Variants in JAM3 observed in about 807,000 individuals in gnomAD.
The protein encoded by JAM3 is junctional adhesion molecule C.
A neutral mutation model predicts 39.4 loss-of-function variants in JAM3; 31 were observed. The ratio of observed to expected loss-of-function variants is 0.79; its 90% CI spans 0.59 to 1.06. JAM3 has a LOEUF of 1.06. Among genes scored for constraint, JAM3 ranks in the 50% least tolerant of loss-of-function variants. JAM3 has a pLI of 0.00. For missense variants in JAM3, 455 were observed against 391.4 expected (o/e 1.16, Z -1.37); for synonymous variants, 182 against 148.7 (o/e 1.22, Z -1.63).
chr11:134,146,547 G>T (rs1943075034), intron 6 of JAM3, among the ~76,000 whole-genome samples: 1 of 151,900 alleles, frequency 6.6e-6, no homozygotes, highest in Non-Finnish European at 1.5e-5. Context: ...AATCACTTGG[G>T]GAGCTTTTTT....
chr11:134,141,556 G>T (rs1942972761), intron 3 of JAM3, among the ~76,000 whole-genome samples: 3 of 152,116 alleles, frequency 2.0e-5, no homozygotes, highest in Admixed American at 2.0e-4. Flanking sequence ...GGCTCTCAGG[G>T]GAGGTGCCGT....
At chr11:134,113,719 G>A (rs1428355791) in intron 1 of JAM3, among the ~76,000 whole-genome samples, 3 of 152,206 alleles carry the variant, frequency 2.0e-5, no homozygotes, top group Non-Finnish European at 2.9e-5. Flanking sequence ...GTAATGGGAT[G>A]GCTGGGTCAA....
chr11:134,081,696 G>T (rs1239107344), intron 1 of JAM3, among the ~76,000 whole-genome samples: 3 of 152,246 alleles, frequency 2.0e-5, no homozygotes, highest in Non-Finnish European at 4.4e-5. Context: ...GGGCAGTGCA[G>T]AAGGGAAATG....
chr11:134,132,822 G>A (rs1262503082), intron 1 of JAM3, among the ~76,000 whole-genome samples: 1 of 152,168 alleles, frequency 6.6e-6, no homozygotes, highest in Non-Finnish European at 1.5e-5. Flanking sequence ...GCCCCATAGA[G>A]TTTTTAACTC....
At chr11:134,090,689 CT>C (rs1478518852) in intron 1 of JAM3, among the ~76,000 whole-genome samples, 18 of 152,108 alleles carry the variant, frequency 1.2e-4, no homozygotes, top group South Asian at 4.1e-4. Flanking sequence ...TTAGCAGAAT[CT>C]TTTCTCGGAC....
chr11:134,143,018 C>G (rs12284250), intron 3 of JAM3, among the ~76,000 whole-genome samples: 4,186 of 152,254 alleles, frequency 0.027, 86 homozygotes, highest in Non-Finnish European at 0.043. Context: ...TGGGTTGTTT[C>G]CACTTTTTGG....
chr11:134,106,827 AAAC>A (rs1432221133), intron 1 of JAM3, among the ~76,000 whole-genome samples: 2 of 152,222 alleles, frequency 1.3e-5, no homozygotes, highest in African/African-American at 4.8e-5. Flanking sequence ...AAAAGTCAGG[AAAC>A]AACAGGTGCT....
chr11:134,069,272 G>A (rs914722624), intron 1 of JAM3, 113 bp downstream of exon 1: 3 of 1,404,800 alleles, frequency 2.1e-6, no homozygotes, highest in African/African-American at 3.0e-5. Flanking sequence ...TGGCTCCGAG[G>A]GCTCCCGGGG....
chr11:134,119,298 T>C (rs1321981526), intron 1 of JAM3, among the ~76,000 whole-genome samples: 2 of 152,192 alleles, frequency 1.3e-5, no homozygotes, highest in Non-Finnish European at 2.9e-5. Context: ...CTCAAAGAAA[T>C]AGCACCTGCT....
intron 3 of JAM3, 135 bp downstream of exon 3, chr11:134,140,905 T>G (rs1405589431): frequency 5.5e-5 from 65 of 1,173,176 alleles, no homozygotes; most frequent in Non-Finnish European, 7.6e-5. Flanking sequence ...TTTTAAAGAT[T>G]TATAATTATG....
chr11:134,103,449 A>G (rs1942117231), intron 1 of JAM3, among the ~76,000 whole-genome samples: 1 of 152,222 alleles, frequency 6.6e-6, no homozygotes, highest in Non-Finnish European at 1.5e-5. Flanking sequence ...AAGAAACTGC[A>G]TCAACTAATG....
intron 1 of JAM3, among the ~76,000 whole-genome samples, chr11:134,082,865 A>G (rs1941689648): frequency 6.6e-6 from 1 of 152,210 alleles, no homozygotes; most frequent in Non-Finnish European, 1.5e-5. Flanking sequence ...GGATCCCTAT[A>G]GAGGACACAT....
chr11:134,102,729 G>A (rs1051352428), intron 1 of JAM3, among the ~76,000 whole-genome samples: 8 of 152,314 alleles, frequency 5.3e-5, no homozygotes, highest in Non-Finnish European at 1.2e-4. Flanking sequence ...ACAAGCTTTA[G>A]TAGCTGATTC....
intron 2 of JAM3, among the ~76,000 whole-genome samples, chr11:134,140,199 G>T (rs1942948911): frequency 6.6e-6 from 1 of 152,128 alleles, no homozygotes; most frequent in Non-Finnish European, 1.5e-5. Context: ...TGTTGCCCAG[G>T]CTGGAGTGTA....
At chr11:134,143,632 C>T (rs774370779) in intron 3 of JAM3, among the ~76,000 whole-genome samples, 1 of 152,126 alleles carries the variant, frequency 6.6e-6, no homozygotes, top group Non-Finnish European at 1.5e-5. Flanking sequence ...GGTATTTCTC[C>T]CATTGTGTGG....
intron 1 of JAM3, among the ~76,000 whole-genome samples, chr11:134,119,712 A>AT: frequency 6.6e-6 from 1 of 152,142 alleles, no homozygotes; most frequent in East Asian, 1.9e-4. Flanking sequence ...GCCCGCCCTC[A>AT]TTATGGAGGG....
chr11:134,142,364 ATGGG>A (rs1177914154), intron 3 of JAM3, among the ~76,000 whole-genome samples: 1 of 152,064 alleles, frequency 6.6e-6, no homozygotes, highest in Admixed American at 6.5e-5. Flanking sequence ...TCCTCCACTA[ATGGG>A]TGGGTGTATA....
At chr11:134,145,041 C>A (rs1591808473) in intron 5 of JAM3, 47 bp downstream of exon 5, 2 of 1,413,098 alleles carry the variant, frequency 1.4e-6, no homozygotes, top group Non-Finnish European at 2.0e-6. Context: ...TTTGTTGGGG[C>A]AAGAGATGCT....
At chr11:134,075,396 C>A (rs682833) in intron 1 of JAM3, among the ~76,000 whole-genome samples, 57,812 of 151,924 alleles carry the variant, frequency 0.38, 11,712 homozygotes, top group African/African-American at 0.53. Context: ...TGGGAATGCA[C>A]ATGTTTTGTT....
Sources: gnomAD v4.1 joint callset for allele counts (sites outside exome capture counted in the v4.1 genomes callset) on GRCh38, gnomAD v4.1.1 for gene constraint, MANE v1.5 for transcripts, NCBI Gene and HGNC (gene_info 2026-07-23, HGNC 2026-07-21) for gene names.